Variants in TGFB3 observed in about 807,000 individuals in gnomAD.
TGFB3 encodes transforming growth factor beta-3 proprotein.
TGFB3 carries 5 observed loss-of-function variants against 40.1 expected under a neutral mutation model. The ratio of observed to expected loss-of-function variants is 0.12; its 90% CI spans 0.07 to 0.26. TGFB3 has a LOEUF of 0.26. Ranked by LOEUF, TGFB3 falls within the 10% of genes least tolerant of loss-of-function variation. The pLI is 1.00. For missense variants in TGFB3, 373 were observed against 530.1 expected, an observed-to-expected ratio of 0.70 and a Z score of 2.91; for synonymous variants, 184 against 205.6, an observed-to-expected ratio of 0.89 and a Z score of 0.90.
Position 75,959,190 on chromosome 14 carries a change from G to C in TGFB3, c.1236C>G (p.Ser412Arg). Residue 412 changes from serine to arginine, a missense_variant, in exon 7 of 7, where the codon AGC becomes AGG. Ser to Arg is a moderately radical substitution (Grantham distance 110, BLOSUM62 -1). Transcript: ENST00000238682. ...TCTCTCTGTCGCACGTGGGGTCTCA[G>C]CTACATTTACAAGACTTCACCACCA... is the stretch of plus-strand genomic sequence containing the variant. ...SNMVVKSCKCS is the reference protein window; with the variant it reads ...SNMVVKSCKCR 1.2e-6 allele frequency: 2 copies of C among 1,614,174 alleles called. No individual in the cohort carries two copies. Among genetic ancestry groups the C allele is most frequent in the Non-Finnish European group, 1.7e-6 (2 of 1,180,024 alleles).
Position 75,971,037 on chromosome 14 carries a change from C to G in TGFB3, c.646+89G>C. ...AGGGTTTGAACCCAGATCTCTGACTCCCTTAATTCTGTCCTCTTCCCTCCA... is the reference window on the plus strand; with the variant it reads ...AGGGTTTGAACCCAGATCTCTGACTGCCTTAATTCTGTCCTCTTCCCTCCA... On this transcript the variant is annotated intron_variant, in intron 3 of 6. Transcript: ENST00000238682. The surrounding 1 kb of genome is among the most constrained non-coding windows in gnomAD (Gnocchi z 4.5). 6.3e-7 allele frequency: 1 copy of G among 1,582,526 alleles called. No homozygotes were observed. The highest frequency in any genetic ancestry group is 1.1e-5 in the South Asian group (1 of 89,950).
chr14:75,960,585 C>G (rs1204306808), intron 6 of TGFB3, among the ~76,000 whole-genome samples: 1 of 152,162 alleles, frequency 6.6e-6, no homozygotes, highest in Non-Finnish European at 1.5e-5. Flanking sequence ...GATCAGAGTT[C>G]TGATAGAAGC....
In TGFB3 at chr14:75,965,622, T is replaced by C. The variant is rs756782690; in HGVS notation, c.720A>G (p.Glu240=). Residue 240 remains glutamate, a synonymous_variant, in exon 4 of 7, where the codon GAA becomes GAG. Coordinates refer to ENST00000238682, the MANE Select transcript of TGFB3 (RefSeq NM_003239.5). ...HTFQPNGDIL[E]NIHEVMEIKF... ...TGATTTCCATCACCTCGTGAATGTT[T>C]TCCAGGATATCTCCATTGGGCTGAA... 1.2e-6 allele frequency: 2 copies of C among 1,614,204 alleles called. No homozygotes were observed. The highest frequency in any genetic ancestry group is 1.7e-5 in the Admixed American group (1 of 60,032).
chr14:75,966,680 G>A (rs1188790001), intron 3 of TGFB3: 2 of 152,228 alleles, frequency 1.3e-5, no homozygotes, highest in African/African-American at 4.8e-5. Flanking sequence ...GGTGCGTGAA[G>A]GGCAACTCCA....
Position 75,963,497 on chromosome 14 carries a change from G to A in TGFB3, c.755-10C>T, listed in dbSNP as rs1344888989. ...TCCTCATTGTCCACGCCTGAAGAAG[G>A]GAAGGAAAGTGACAATCTCCTGTCT... On this transcript the variant is annotated splice_polypyrimidine_tract_variant and intron_variant, in intron 4 of 6. Coordinates refer to ENST00000238682, the MANE Select transcript of TGFB3 (RefSeq NM_003239.5). 2 of 1,614,100 alleles carry A rather than the reference G, an allele frequency of 1.2e-6. No homozygotes were observed. Among genetic ancestry groups the A allele is most frequent in the South Asian group, 2.2e-5 (2 of 91,082 alleles).
chr14:75,958,331 G>A lies in TGFB3; in HGVS notation c.*856C>T, dbSNP rs868168827. The A allele has an allele frequency of 1.3e-5, 2 of 152,728 alleles. No homozygotes were observed. Among genetic ancestry groups the A allele is most frequent in the Non-Finnish European group, 2.9e-5 (2 of 68,118 alleles). 9.5% of individuals were successfully genotyped at this position (152,728 alleles called of 1,614,324 possible). On this transcript the variant is annotated 3_prime_UTR_variant, in exon 7 of 7. Coordinates refer to ENST00000238682, the MANE Select transcript of TGFB3 (RefSeq NM_003239.5). Reference sequence around the variant, plus strand: ...TCCAGGAACACCAAATGAACACAGGGTCTTGGAGGGGAAGTGGGGGAAGAA... The same window carrying A: ...TCCAGGAACACCAAATGAACACAGGATCTTGGAGGGGAAGTGGGGGAAGAA...
chr14:75,982,356 G>A (rs1322853618), upstream of TGFB3, among the ~76,000 whole-genome samples: 3 of 152,124 alleles, frequency 2.0e-5, no homozygotes, highest in Non-Finnish European at 4.4e-5. The surrounding 1 kb of genome is among the most constrained non-coding windows in gnomAD (Gnocchi z 4.0). Context: ...CCCCGGTCCC[G>A]GGGCCGCCCG....
chr14:75,962,104 C>G (rs955365815), intron 5 of TGFB3, among the ~76,000 whole-genome samples: 1 of 152,070 alleles, frequency 6.6e-6, no homozygotes, highest in Non-Finnish European at 1.5e-5. Flanking sequence ...GATGAAAAGC[C>G]AACATACTAA....
rs1332056948 is a variant in TGFB3 at position 75,980,230 on chromosome 14, A to G, written c.352+312T>C. Among the ~76,000 whole-genome samples, 1 of 152,220 alleles carries G rather than the reference A, an allele frequency of 6.6e-6. No individual in the cohort carries two copies. The highest frequency in any genetic ancestry group is 1.5e-5 in the Non-Finnish European group (1 of 68,028). On this transcript the variant is annotated intron_variant, in intron 1 of 6. Coordinates refer to ENST00000238682, the MANE Select transcript of TGFB3 (RefSeq NM_003239.5). The surrounding 1 kb of genome is among the most constrained non-coding windows in gnomAD (Gnocchi z 4.3). The stretch of plus-strand genomic sequence containing the variant: ...CTGATACGATCGCATGTGCAAGAAT[A>G]CATATGTTTCCCTGGACAGCACAAT...
At chr14:75,963,584 G>A (rs1595339365) in intron 4 of TGFB3, 97 bp from the exon 5 acceptor site, 2 of 1,455,804 alleles carry the variant, frequency 1.4e-6, no homozygotes, top group African/African-American at 2.8e-5. Flanking sequence ...CCAGGAGGAG[G>A]GGCAGTGCAG....
At position 75,980,985 on chromosome 14, in the gene TGFB3, G is replaced by A. The variant is rs767341977; in HGVS notation, c.-92C>T. 127 of 1,169,228 alleles carry A rather than the reference G, an allele frequency of 1.1e-4. 1 individual carries two copies. The highest frequency in any genetic ancestry group is 1.4e-4 in the Non-Finnish European group (107 of 790,044). 72.4% of individuals were successfully genotyped at this position (1,169,228 alleles called of 1,614,324 possible). On this transcript the variant is annotated 5_prime_UTR_variant, in exon 1 of 7. Transcript: ENST00000238682. The surrounding 1 kb of genome is among the most constrained non-coding windows in gnomAD (Gnocchi z 4.3). The stretch of plus-strand genomic sequence containing the variant: ...GCAGAAGGAGGGAGGAAAACCAGGC[G>A]GCCTCCCCAGATCCCAAAGACTGAG...
chr14:75,979,332 T>C lies in TGFB3; in HGVS notation c.352+1210A>G, dbSNP rs891816436. 3.3e-5 allele frequency among the ~76,000 whole-genome samples: 5 copies of C among 152,114 alleles called. No homozygotes were observed. Among genetic ancestry groups the C allele is most frequent in the East Asian group, 1.9e-4 (1 of 5,164 alleles). ...TTTCACCCCTTGCTGTGTGCTCTGC[T>C]GACCACCCTCCCCTGCCTGCCAGCT... On this transcript the variant is annotated intron_variant, in intron 1 of 6. Coordinates refer to ENST00000238682, the MANE Select transcript of TGFB3 (RefSeq NM_003239.5). The surrounding 1 kb of genome is among the most constrained non-coding windows in gnomAD (Gnocchi z 4.8).
At chr14:75,965,526 T>C in intron 4 of TGFB3, 62 bp downstream of exon 4, 1 of 1,397,084 alleles carries the variant, frequency 7.2e-7, no homozygotes, top group Non-Finnish European at 1.0e-6. Context: ...TCTCCTGCAC[T>C]ATCCTGTCCC....
chr14:75,977,233 T>C (rs1425302856), intron 1 of TGFB3, among the ~76,000 whole-genome samples: 1 of 152,160 alleles, frequency 6.6e-6, no homozygotes, highest in Non-Finnish European at 1.5e-5. Context: ...ACAACAAGTC[T>C]CCGAACAGAG....
chr14:75,960,780 A>C, intron 6 of TGFB3, 143 bp downstream of exon 6: 3 of 1,115,912 alleles, frequency 2.7e-6, no homozygotes, highest in Non-Finnish European at 3.9e-6. Flanking sequence ...CAGGGTGCCA[A>C]GATCAGAACC....
intron 4 of TGFB3, 23 bp downstream of exon 4, chr14:75,965,565 A>G: frequency 2.5e-6 from 4 of 1,588,388 alleles, no homozygotes; most frequent in Non-Finnish European, 3.5e-6. Context: ...CACCCATCCT[A>G]CCATACACAT....
intron 5 of TGFB3, 86 bp downstream of exon 5, chr14:75,963,230 G>A: frequency 6.8e-7 from 1 of 1,477,974 alleles, no homozygotes; most frequent in Non-Finnish European, 9.5e-7. Flanking sequence ...ACCCTCTGTT[G>A]AGTGTGGCTT....
In TGFB3 at chr14:75,973,877, C is replaced by T. The variant is rs554123395; in HGVS notation, c.353-2159G>A. On this transcript the variant is annotated intron_variant, in intron 1 of 6. Transcript: ENST00000238682. ...GGAGATGGGGCCGGGCACGGTGGCT[C>T]ACGCCTGTAATCCCAGCACTTCGGG... Among the ~76,000 whole-genome samples, 134 of 152,266 alleles carry T rather than the reference C, an allele frequency of 8.8e-4. 1 individual carries two copies. The highest frequency in any genetic ancestry group is 5.0e-3 in the South Asian group (24 of 4,816).
At chr14:75,960,840 A>T in intron 6 of TGFB3, 83 bp downstream of exon 6, 1 of 1,587,968 alleles carries the variant, frequency 6.3e-7, no homozygotes, top group Non-Finnish European at 8.6e-7. Context: ...CTCACTCAAC[A>T]TTCAATCCTT....
Sources: allele counts gnomAD v4.1 joint callset (sites outside exome capture counted in the v4.1 genomes callset), GRCh38; gene constraint gnomAD v4.1.1; non-coding constraint Gnocchi (gnomAD v3.1); transcripts MANE v1.5; gene names NCBI Gene and HGNC (gene_info 2026-07-23, HGNC 2026-07-21).